The following ZNF638 variants were observed in gnomAD, a reference collection of about 807,000 sequenced individuals.
ZNF638 encodes zinc finger protein 638.
Under a neutral mutation model 195.6 loss-of-function variants are expected in ZNF638, and 46 were observed. The observed-to-expected ratio is 0.24, with a 90% CI of 0.19 to 0.30. ZNF638 has a LOEUF of 0.30. Ranked by LOEUF, ZNF638 falls within the 10% of genes least tolerant of loss-of-function variation. The pLI is 1.00. For synonymous variants in ZNF638, 845 were observed against 772.0 expected (o/e 1.09, Z -1.57); for missense variants, 2,440 against 2,325.3 (o/e 1.05, Z -1.01).
chr2:71,361,555 A>G (rs1427746109), intron 3 of ZNF638: 4 of 152,224 alleles, frequency 2.6e-5, no homozygotes, highest in African/African-American at 9.6e-5. Flanking sequence ...AAGTGTGGAA[A>G]TAGATGAAAC....
At chr2:71,395,217 T>C (rs775818479) in intron 10 of ZNF638, 41 of 717,126 alleles carry the variant, frequency 5.7e-5, no homozygotes, top group Non-Finnish European at 7.8e-5. Flanking sequence ...ATTATACTCA[T>C]GTTTGTCTTA....
At chr2:71,375,806 G>T (rs937821084) in intron 8 of ZNF638, 1 of 152,206 alleles carries the variant, frequency 6.6e-6, no homozygotes. Flanking sequence ...AAGTGGAGAA[G>T]AGCACTGAAG....
At chr2:71,348,632 A>C in intron 1 of ZNF638, 121 bp from the exon 2 acceptor site, 1 of 1,250,360 alleles carries the variant, frequency 8.0e-7, no homozygotes, top group South Asian at 1.6e-5. Context: ...TTACTCTAAA[A>C]GTATATGAAA....
At position 71,400,515 on chromosome 2, in the gene ZNF638, C is replaced by G; in HGVS notation, c.2694C>G (p.Asn898Lys). ...AGGCCACAGAGAATGAACCACTTAA[C>G]AAGGTCAGTTTTCATGTTTTATTTA... ...ALEATENEPLNKETEEMCVML... is the reference protein window; with the variant it reads ...ALEATENEPLKKETEEMCVML... Residue 898 changes from asparagine (N) to lysine (K), a missense_variant, in exon 15 of 28, where the codon AAC (asparagine) becomes AAG (lysine). Transcript: ENST00000264447. 6.2e-7 allele frequency: 1 copy of G among 1,602,034 alleles called. No individual in the cohort carries two copies.
chr2:71,337,470 G>A (rs1170104561), intron 1 of ZNF638, among the ~76,000 whole-genome samples: 1 of 152,090 alleles, frequency 6.6e-6, no homozygotes, highest in Admixed American at 6.6e-5. Context: ...CTGGAGTCCA[G>A]TGAGTGATCT....
Position 71,348,922 on chromosome 2 carries a change from A to T in ZNF638, c.-33A>T. On this transcript the variant is annotated 5_prime_UTR_variant, in exon 2 of 28. Coordinates refer to ENST00000264447, the MANE Select transcript of ZNF638 (RefSeq NM_014497.5). ...CTCACATGGTTCAACACCACCTTATACTTTATTAAATCAGGCTTTCTTGAA... is the reference window on the plus strand; with the variant it reads ...CTCACATGGTTCAACACCACCTTATTCTTTATTAAATCAGGCTTTCTTGAA... 1 of 1,614,058 alleles carries T rather than the reference A, an allele frequency of 6.2e-7. No homozygotes were observed. The highest frequency in any genetic ancestry group is 8.5e-7 in the Non-Finnish European group (1 of 1,180,018).
intron 10 of ZNF638, among the ~76,000 whole-genome samples, chr2:71,390,460 C>A (rs935638352): frequency 1.3e-5 from 2 of 152,204 alleles, no homozygotes; most frequent in African/African-American, 2.4e-5. Context: ...AATTAATGTG[C>A]TCACCAGGGT....
intron 6 of ZNF638, among the ~76,000 whole-genome samples, chr2:71,366,002 G>T (rs749782779): frequency 7.5e-4 from 114 of 152,206 alleles, no homozygotes; most frequent in Non-Finnish European, 1.5e-3. Context: ...CACTATGCCT[G>T]GCTTCGTAAT....
At chr2:71,381,378 A>G (rs2079531758) in intron 10 of ZNF638, among the ~76,000 whole-genome samples, 1 of 152,104 alleles carries the variant, frequency 6.6e-6, no homozygotes, top group South Asian at 2.1e-4. Flanking sequence ...TTTCCCCGTA[A>G]TGTTTAGTTG....
Position 71,393,706 on chromosome 2 carries a change from G to T in ZNF638, c.2378-2435G>T, listed in dbSNP as rs980766952. The T allele has an allele frequency of 4.2e-5, 29 of 689,408 alleles. 1 individual carries two copies. The African/African-American group carries it at 4.6e-4, about 11-fold the overall frequency. The allele number at this position is 689,408 out of a possible 1,614,324, so 42.7% of individuals were successfully genotyped here. A position where few individuals can be genotyped will look rare whatever the true frequency, so the allele number is the denominator to read the frequency against. The stretch of plus-strand genomic sequence containing the variant: ...CTCGCTTCCCCTGCAACCCGTACCG[G>T]CTACACTCTATTGGGCTCATCTGTT... On this transcript the variant is annotated intron_variant, in intron 10 of 27. Coordinates refer to ENST00000264447, the MANE Select transcript of ZNF638 (RefSeq NM_014497.5).
rs150364678 is a variant in ZNF638 at position 71,427,382 on chromosome 2, A to G, written c.5513A>G (p.Asp1838Gly). Residue 1838 changes from aspartate to glycine, a missense_variant, in exon 24 of 28, where the codon GAT becomes GGT. Around this residue, in one of 5 missense-constraint regions of ZNF638, gnomAD observed 1,883 missense variants for 1,739.1 expected, o/e 1.08. Coordinates refer to ENST00000264447, the MANE Select transcript of ZNF638 (RefSeq NM_014497.5). ...GTAAATGAGAATGTTATGGAAGAAG[A>G]TCTAAAAACCATGATTGAAAGACAC... ...GPVNENVMEE[D>G]LKTMIERHLT... 2.8e-5 allele frequency: 44 copies of G among 1,579,468 alleles called. No homozygotes were observed. The African/African-American group carries it at 4.7e-4, about 17-fold the overall frequency.
chr2:71,399,963 C>A, intron 13 of ZNF638, 149 bp from the exon 14 acceptor site: 1 of 603,304 alleles, frequency 1.7e-6, no homozygotes. Context: ...GGATTGCTGT[C>A]TTTTGTTTTT....
chr2:71,349,844 A>C lies in ZNF638; in HGVS notation c.890A>C (p.His297Pro). 6.2e-7 allele frequency: 1 copy of C among 1,614,234 alleles called. No individual in the cohort carries two copies. Among genetic ancestry groups the C allele is most frequent in the Non-Finnish European group, 8.5e-7 (1 of 1,180,048 alleles). Residue 297 changes from histidine (H) to proline (P), a missense_variant, in exon 2 of 28, where the codon CAC (histidine) becomes CCC (proline). His to Pro is a moderately conservative substitution (Grantham distance 77, BLOSUM62 -2). Transcript: ENST00000264447. ...AGTGGAACCAAGATGTCAGGCTTACACATTTCAGGAGGACAGTCAGTCCTT... is the reference window on the plus strand; with the variant it reads ...AGTGGAACCAAGATGTCAGGCTTACCCATTTCAGGAGGACAGTCAGTCCTT... Reference protein sequence around the residue: ...VESGTKMSGLHISGGQSVLEP... With the variant: ...VESGTKMSGLPISGGQSVLEP...
intron 24 of ZNF638, 120 bp from the exon 25 acceptor site, chr2:71,428,427 C>G (rs542073295): frequency 1.5e-6 from 1 of 666,216 alleles, no homozygotes; most frequent in Non-Finnish European, 2.5e-6. Context: ...AGGCTTCCCT[C>G]CCAAATTTGG....
chr2:71,396,711 G>A (rs573296093), intron 11 of ZNF638, among the ~76,000 whole-genome samples: 3 of 152,240 alleles, frequency 2.0e-5, no homozygotes, highest in Admixed American at 1.3e-4. Flanking sequence ...TTGGGAGACC[G>A]AAGAGGGTGG....
At position 71,423,728 on chromosome 2, in the gene ZNF638, A is replaced by G; in HGVS notation, c.4214A>G (p.Lys1405Arg). 1 of 1,613,934 alleles carries G rather than the reference A, an allele frequency of 6.2e-7. No individual in the cohort carries two copies. The highest frequency in any genetic ancestry group is 8.5e-7 in the Non-Finnish European group (1 of 1,180,016). The change falls in exon 22 of 28, where the codon AAA (lysine) becomes AGA (arginine). Residue 1405 changes from lysine (K) to arginine (R), a missense_variant. This residue lies in a region of ZNF638 where 1,883 missense variants were observed against 1,739.1 expected (regional missense o/e 1.08). Transcript: ENST00000264447. ...KAVIVSSPKA[K>R]ATVSKTENQK... The stretch of plus-strand genomic sequence containing the variant: ...GTTATAGTCTCTTCTCCTAAGGCAA[A>G]AGCTACAGTTTCAAAAACTGAAAAT...
intron 1 of ZNF638, among the ~76,000 whole-genome samples, chr2:71,339,190 C>T (rs2078722698): frequency 1.4e-5 from 2 of 147,840 alleles, no homozygotes; most frequent in Admixed American, 6.8e-5. Context: ...GTCTCACTTG[C>T]ACCCAGGCTG....
At chr2:71,392,245 T>TAGG (rs1429590207) in intron 10 of ZNF638, among the ~76,000 whole-genome samples, 4 of 152,244 alleles carry the variant, frequency 2.6e-5, no homozygotes, top group Non-Finnish European at 5.9e-5. Flanking sequence ...CATACTCCTC[T>TAGG]AGTTTTGCCA....
chr2:71,430,307 C>A (rs1573179733), intron 25 of ZNF638, among the ~76,000 whole-genome samples: 1 of 151,876 alleles, frequency 6.6e-6, no homozygotes. Flanking sequence ...AAGAAATAAA[C>A]AATTATAGAA....
Sources: allele counts gnomAD v4.1 joint callset (sites outside exome capture counted in the v4.1 genomes callset), GRCh38; gene constraint gnomAD v4.1.1; regional missense constraint gnomAD v4.1.1; transcripts MANE v1.5; gene names NCBI Gene and HGNC (gene_info 2026-07-23, HGNC 2026-07-21).